Variants in ENKD1 observed in about 807,000 individuals in gnomAD.
The protein encoded by ENKD1 is enkurin domain-containing protein 1.
ENKD1 carries 39 observed loss-of-function variants against 35.8 expected under a neutral mutation model. The observed-to-expected ratio is 1.09, with a 90% confidence interval of 0.84 to 1.42. The LOEUF is 1.42. Ranked by LOEUF, ENKD1 falls within the 40% of genes most tolerant of loss-of-function variation. The pLI is 0.00. For synonymous variants in ENKD1, 205 were observed against 198.6 expected, an observed-to-expected ratio of 1.03 and a Z score of -0.27; for missense variants, 474 against 471.3, an observed-to-expected ratio of 1.01 and a Z score of -0.05.
Position 67,665,117 on chromosome 16 carries a change from A to G in ENKD1, c.332T>C (p.Ile111Thr), listed in dbSNP as rs2053084039. Residue 111 changes from isoleucine to threonine, a missense_variant, in exon 3 of 7, where the codon ATT becomes ACT. Ile to Thr is a moderately conservative substitution (Grantham distance 89). Transcript: ENST00000243878. ...CTCCTGTTCTCTGAAGCGCTTCTGAATCTCCCTGATCCGCCTCAGGTTCTC... is the reference window on the plus strand; with the variant it reads ...CTCCTGTTCTCTGAAGCGCTTCTGAGTCTCCCTGATCCGCCTCAGGTTCTC... ...EKENLRRIRE[I>T]QKRFREQERS... The G allele has an allele frequency of 1.2e-6, 2 of 1,613,806 alleles. No individual in the cohort carries two copies. The highest frequency in any genetic ancestry group is 1.3e-5 in the African/African-American group (1 of 74,998).
intron 3 of ENKD1, 46 bp downstream of exon 3, chr16:67,664,950 T>C (rs778246813): frequency 2.6e-6 from 4 of 1,553,472 alleles, no homozygotes; most frequent in Non-Finnish European, 3.5e-6. Flanking sequence ...CAGTTGCCTG[T>C]TGGCCAACAA....
In ENKD1 at chr16:67,666,385, G is replaced by T; in HGVS notation, c.58C>A (p.Pro20Thr). 1.3e-6 allele frequency: 2 copies of T among 1,575,658 alleles called. No homozygotes were observed. The highest frequency in any genetic ancestry group is 1.3e-5 in the African/African-American group (1 of 74,154). ...GAGGTCGGCCGCCTGTAGTTGTCAG[G>T]ACAGAGCGTCGGGTCTGGGGGGATG... ...GPIPPDPTLC[P>T]DNYRRPTSAQ... The change falls in exon 1 of 7, where the codon CCT (proline) becomes ACT (threonine). Residue 20 changes from proline (P) to threonine (T), a missense_variant. Pro to Thr is a conservative substitution (Grantham distance 38, BLOSUM62 -1). Coordinates refer to ENST00000243878, the MANE Select transcript of ENKD1 (RefSeq NM_032140.3).
chr16:67,665,276 T>G, intron 2 of ENKD1, 108 bp from the exon 3 acceptor site: 3 of 1,277,372 alleles, frequency 2.3e-6, no homozygotes, highest in Non-Finnish European at 2.2e-6. Flanking sequence ...AAGAGCTCCC[T>G]GACCTCTCCA....
chr16:67,664,860 G>A (rs1256196496), intron 3 of ENKD1, 136 bp downstream of exon 3: 33 of 1,132,416 alleles, frequency 2.9e-5, no homozygotes, highest in African/African-American at 9.5e-5. Context: ...CCCCAGCCTC[G>A]CCCTGCAGCA....
In ENKD1 at chr16:67,666,087, A is replaced by G. The variant is rs762372174; in HGVS notation, c.264T>C (p.Pro88=). The G allele has an allele frequency of 6.8e-6, 11 of 1,612,608 alleles. No homozygotes were observed. The South Asian group carries it at 1.2e-4, about 18-fold the overall frequency. Residue 88 remains proline, a synonymous_variant, in exon 2 of 7, where the codon CCT becomes CCC. Coordinates refer to ENST00000243878, the MANE Select transcript of ENKD1 (RefSeq NM_032140.3). ...LLQLEGISLG[P]GASLKRKDPK... Reference sequence around the variant, plus strand: ...GGGACTTACTCTTGAGAGAGGCCCCAGGACCTAGGGAGATCCCCTCGAGTT... The same window carrying G: ...GGGACTTACTCTTGAGAGAGGCCCCGGGACCTAGGGAGATCCCCTCGAGTT...
chr16:67,664,930 G>C (rs1168382021), intron 3 of ENKD1, 66 bp downstream of exon 3: 22 of 1,511,830 alleles, frequency 1.5e-5, no homozygotes, highest in South Asian at 2.6e-5. Context: ...CCAGAACTCA[G>C]ATCAGGGTAC....
intron 6 of ENKD1, 31 bp downstream of exon 6, chr16:67,663,389 C>T (rs2053056974): frequency 1.2e-6 from 2 of 1,611,518 alleles, no homozygotes; most frequent in South Asian, 1.1e-5. Context: ...CCAGTGGGGC[C>T]CCCCTCCAGC....
chr16:67,665,122 C>T lies in ENKD1; in HGVS notation c.327G>A (p.Arg109=), dbSNP rs2053084152. The change falls in exon 3 of 7, where the codon AGG becomes AGA. Residue 109 remains arginine, a synonymous_variant. Coordinates refer to ENST00000243878, the MANE Select transcript of ENKD1 (RefSeq NM_032140.3). ...DHEKENLRRI[R]EIQKRFREQE... is the part of the protein sequence containing the mutation. ...GTTCTCTGAAGCGCTTCTGAATCTCCCTGATCCGCCTCAGGTTCTCCTTCT... is the reference window on the plus strand; with the variant it reads ...GTTCTCTGAAGCGCTTCTGAATCTCTCTGATCCGCCTCAGGTTCTCCTTCT... 2 of 1,613,906 alleles carry T rather than the reference C, an allele frequency of 1.2e-6. No individual in the cohort carries two copies. The highest frequency in any genetic ancestry group is 4.5e-5 in the East Asian group (2 of 44,874).
chr16:67,666,690 G>A lies in ENKD1; in HGVS notation c.-248C>T. ...TCTCCCCCGCGGCACTCGGGCAGGG[G>A]CTCACTCGAGAGGTTTTGCCGCCAG... On this transcript the variant is annotated 5_prime_UTR_variant, in exon 1 of 7. Transcript: ENST00000243878. 1 of 498,940 alleles carries A rather than the reference G, an allele frequency of 2.0e-6. No homozygotes were observed. 30.9% of individuals were successfully genotyped at this position (498,940 alleles called of 1,614,324 possible).
Position 67,666,433 on chromosome 16 carries a change from C to G in ENKD1, c.10G>C (p.Gly4Arg). The change falls in exon 1 of 7, where the codon GGC (glycine) becomes CGC (arginine). Residue 4 changes from glycine (G) to arginine (R), a missense_variant. Coordinates refer to ENST00000243878, the MANE Select transcript of ENKD1 (RefSeq NM_032140.3). Reference protein sequence around the residue: MCEGPSRISGPIPP... With the variant: MCERPSRISGPIPP... ...ATGGGCCCCGAGATGCGGGACGGGC[C>G]CTCGCACATGCCGCCGGCGCCGCCC... 6.5e-7 allele frequency: 1 copy of G among 1,529,754 alleles called. No individual in the cohort carries two copies. Among genetic ancestry groups the G allele is most frequent in the Non-Finnish European group, 8.7e-7 (1 of 1,147,326 alleles). The allele number at this position is 1,529,754 out of a possible 1,614,324, so 94.8% of individuals were successfully genotyped here. A position where few individuals can be genotyped will look rare whatever the true frequency, so the allele number is the denominator to read the frequency against.
rs1389981175 is a variant in ENKD1 at position 67,664,423 on chromosome 16, C to T, written c.454-361G>A. On this transcript the variant is annotated intron_variant, in intron 3 of 6. Coordinates refer to ENST00000243878, the MANE Select transcript of ENKD1 (RefSeq NM_032140.3). ...GTCCTCAACCTGATCGTCAATAACT[C>T]CTAGGTCTCACTCCTGAGATCCAGG... 3 of 382,590 alleles carry T rather than the reference C, an allele frequency of 7.8e-6. No individual in the cohort carries two copies. The East Asian group carries it at 2.0e-4, about 26-fold the overall frequency. 23.7% of individuals were successfully genotyped at this position (382,590 alleles called of 1,614,324 possible).
In ENKD1 at chr16:67,666,412, G is replaced by A. The variant is rs753690873; in HGVS notation, c.31C>T (p.Pro11Ser). Residue 11 changes from proline (P) to serine (S), a missense_variant, in exon 1 of 7, where the codon CCC becomes TCC. Coordinates refer to ENST00000243878, the MANE Select transcript of ENKD1 (RefSeq NM_032140.3). ...CAGAGCGTCGGGTCTGGGGGGATGG[G>A]CCCCGAGATGCGGGACGGGCCCTCG... MCEGPSRISG[P>S]IPPDPTLCPD... is the part of the protein sequence containing the mutation. 23 of 1,552,712 alleles carry A rather than the reference G, an allele frequency of 1.5e-5. No individual in the cohort carries two copies. In the South Asian group the frequency reaches 2.4e-4, roughly 17 times the overall value.
In ENKD1 at chr16:67,666,432, C is replaced by G. The variant is rs1382267576; in HGVS notation, c.11G>C (p.Gly4Ala). The change falls in exon 1 of 7, where the codon GGC (glycine) becomes GCC (alanine). Residue 4 changes from glycine (G) to alanine (A), a missense_variant. Gly to Ala is a moderately conservative substitution (Grantham distance 60). Transcript: ENST00000243878. MCE[G>A]PSRISGPIPP... Reference sequence around the variant, plus strand: ...GATGGGCCCCGAGATGCGGGACGGGCCCTCGCACATGCCGCCGGCGCCGCC... The same window carrying G: ...GATGGGCCCCGAGATGCGGGACGGGGCCTCGCACATGCCGCCGGCGCCGCC... 6.5e-7 allele frequency: 1 copy of G among 1,530,532 alleles called. No individual in the cohort carries two copies. The highest frequency in any genetic ancestry group is 2.0e-5 in the Admixed American group (1 of 49,994). The allele number at this position is 1,530,532 out of a possible 1,614,324, so 94.8% of individuals were successfully genotyped here. A position where few individuals can be genotyped will look rare whatever the true frequency, so the allele number is the denominator to read the frequency against.
In ENKD1 at chr16:67,666,515, C is replaced by G. The variant is rs1398215003; in HGVS notation, c.-73G>C. On this transcript the variant is annotated 5_prime_UTR_variant, in exon 1 of 7. Transcript: ENST00000243878. ...TTACCTCCCTCCCCGGGCCCCCTTC[C>G]CCAACCCCGGGCCCCCTCCCTCGCC... is the stretch of plus-strand genomic sequence containing the variant. 7.5e-7 allele frequency: 1 copy of G among 1,324,988 alleles called. No individual in the cohort carries two copies. The highest frequency in any genetic ancestry group is 1.6e-5 in the South Asian group (1 of 61,572). 82.1% of individuals were successfully genotyped at this position (1,324,988 alleles called of 1,614,324 possible).
rs756224421 is a variant in ENKD1, at chr16:67,663,523, CTCCCGCCGCCACAGG to C, written c.762_776del (p.Asp254_Arg258del). ...GCTGGCTCTGCTTGCGGGCCTCGGC[CTCCCGCCGCCACAGG>C]TCCCTGCGCTCCAACAAGCTGTGGG... On this transcript the variant is annotated inframe_deletion, in exon 6 of 7. Coordinates refer to ENST00000243878, the MANE Select transcript of ENKD1 (RefSeq NM_032140.3). 24 of 1,611,902 alleles carry C rather than the reference CTCCCGCCGCCACAGG, an allele frequency of 1.5e-5. No homozygotes were observed. The East Asian group carries it at 5.3e-4, about 36-fold the overall frequency.
chr16:67,666,328 C>T, intron 1 of ENKD1, 30 bp downstream of exon 1: 1 of 1,587,438 alleles, frequency 6.3e-7, no homozygotes, highest in Non-Finnish European at 8.5e-7. Flanking sequence ...ACCCCTGAGC[C>T]TCGCACCACC....
At position 67,665,173 on chromosome 16, in the gene ENKD1, A is replaced by G; in HGVS notation, c.281-5T>C. ...CATGGTCCTTAGGGTCCTTCCCTGGAGAAAAGATGCCCCCAGGTTCTGCCC... is the reference window on the plus strand; with the variant it reads ...CATGGTCCTTAGGGTCCTTCCCTGGGGAAAAGATGCCCCCAGGTTCTGCCC... On this transcript the variant is annotated splice_region_variant and splice_polypyrimidine_tract_variant and intron_variant, in intron 2 of 6. Transcript: ENST00000243878. 6.2e-7 allele frequency: 1 copy of G among 1,608,262 alleles called. No homozygotes were observed. The highest frequency in any genetic ancestry group is 8.5e-7 in the Non-Finnish European group (1 of 1,177,322).
intron 2 of ENKD1, among the ~76,000 whole-genome samples, chr16:67,665,710 A>G (rs540656446): frequency 6.6e-6 from 1 of 152,256 alleles, no homozygotes; most frequent in South Asian, 2.1e-4. Context: ...TACACCATAG[A>G]TCATCTCATA....
rs1320345385 is a variant in ENKD1 at position 67,665,878 on chromosome 16, C to T, written c.280+193G>A. On this transcript the variant is annotated intron_variant, in intron 2 of 6. Transcript: ENST00000243878. ...ACAAATGCATAAAGCAGAGCTAGGG[C>T]TTCGTGGGAACTACCTCATTCAGTT... 3.3e-5 allele frequency among the ~76,000 whole-genome samples: 5 copies of T among 152,218 alleles called. No individual in the cohort carries two copies. The East Asian group carries it at 9.6e-4, about 29-fold the overall frequency.
Sources: allele counts gnomAD v4.1 joint callset (sites outside exome capture counted in the v4.1 genomes callset), GRCh38; gene constraint gnomAD v4.1.1; transcripts MANE v1.5; gene names NCBI Gene and HGNC (gene_info 2026-07-23, HGNC 2026-07-21).